PNPLA3: variants seen among roughly 807,000 people sequenced by gnomAD.
PNPLA3 encodes patatin like domain 3, 1-acylglycerol-3-phosphate O-acyltransferase.
PNPLA3 carries 42 observed loss-of-function variants against 43.1 expected under a neutral mutation model. The ratio of observed to expected loss-of-function variants is 0.97; its 90% CI spans 0.76 to 1.26. The LOEUF (loss-of-function observed/expected upper bound fraction) is 1.26, where lower values mean the gene tolerates loss of function less well. PNPLA3 is among the 50% of genes most tolerant of loss of function. The probability of loss-of-function intolerance (pLI) is 0.00; values close to 1 mark genes in which losing one functional copy is unlikely to be tolerated. For missense variants in PNPLA3, 647 were observed against 621.4 expected (o/e 1.04, Z -0.44); for synonymous variants, 272 against 253.6 (o/e 1.07, Z -0.69).
At chr22:43,930,442 T>C (rs1454329845) in intron 3 of PNPLA3, among the ~76,000 whole-genome samples, 1 of 152,170 alleles carries the variant, frequency 6.6e-6, no homozygotes, top group African/African-American at 2.4e-5. Context: ...CACAGCATGG[T>C]TGGGCATCAG....
chr22:43,944,228 C>A (rs957423385), intron 7 of PNPLA3, among the ~76,000 whole-genome samples: 3 of 152,150 alleles, frequency 2.0e-5, no homozygotes, highest in Admixed American at 2.0e-4. Flanking sequence ...TGTGGTCAGG[C>A]ATTTATCAGA....
chr22:43,924,059 G>C lies in PNPLA3; in HGVS notation c.148G>C (p.Ala50Pro). ...ARMLFGASAG[A>P]LHCVGVLSGI... ...CATGTTGTTCGGCGCTTCGGCCGGG[G>C]CGTTGCACTGCGTCGGCGTCCTCTC... The change falls in exon 1 of 9, where the codon GCG becomes CCG. Residue 50 changes from alanine (A) to proline (P), a missense_variant. Ala to Pro is a conservative substitution (Grantham distance 27). Coordinates refer to ENST00000216180, the MANE Select transcript of PNPLA3 (RefSeq NM_025225.3). The C allele has an allele frequency of 6.4e-7, 1 of 1,574,686 alleles. No individual in the cohort carries two copies. Among genetic ancestry groups the C allele is most frequent in the South Asian group, 1.1e-5 (1 of 88,108 alleles).
rs190928670 is a variant in PNPLA3, at chr22:43,926,521, C to T, written c.188-414C>T. 4.4e-4 allele frequency among the ~76,000 whole-genome samples: 67 copies of T among 152,300 alleles called. No individual in the cohort carries two copies. The East Asian group carries it at 0.011, about 25-fold the overall frequency. ...CGCCTGGGCTTCTGGAAGTGGGAGA[C>T]TCATTCCTGTGGCTGAGGCCTACAG... On this transcript the variant is annotated intron_variant, in intron 1 of 8. Coordinates refer to ENST00000216180, the MANE Select transcript of PNPLA3 (RefSeq NM_025225.3).
At chr22:43,935,430 C>G (rs1333093491) in intron 5 of PNPLA3, among the ~76,000 whole-genome samples, 1 of 151,920 alleles carries the variant, frequency 6.6e-6, no homozygotes, top group Non-Finnish European at 1.5e-5. Context: ...GATGCTGTGT[C>G]GATGGGAAAG....
chr22:43,946,745 A>T lies in PNPLA3; in HGVS notation c.*363A>T, dbSNP rs900771057. ...GGGTGGGGGCCTTGTGATGGGGGGT[A>T]GGCTGGCCCATGTGTGATCTTGTGG... On this transcript the variant is annotated 3_prime_UTR_variant, in exon 9 of 9. Transcript: ENST00000216180. The T allele has an allele frequency of 3.8e-6, 2 of 530,706 alleles. No homozygotes were observed. Among genetic ancestry groups the T allele is most frequent in the Admixed American group, 1.9e-5 (1 of 51,810 alleles). 32.9% of individuals were successfully genotyped at this position (530,706 alleles called of 1,614,324 possible).
chr22:43,937,028 C>A, intron 5 of PNPLA3, 23 bp from the exon 6 acceptor site: 2 of 1,601,582 alleles, frequency 1.2e-6, no homozygotes, highest in Non-Finnish European at 8.5e-7. Context: ...GCCTGATGGG[C>A]TTGTTTTCCG....
chr22:43,935,899 G>A (rs899677010), intron 5 of PNPLA3, among the ~76,000 whole-genome samples: 56 of 152,144 alleles, frequency 3.7e-4, no homozygotes, highest in Admixed American at 1.3e-4. Flanking sequence ...GACAGGAAGC[G>A]AGATACCAGT....
chr22:43,933,025 C>G lies in PNPLA3; in HGVS notation c.634C>G (p.Leu212Val), dbSNP rs1569011812. ...TCATGTGGACATCACCAAGCTCAGTCTACGCCTCTGCACAGGGAACCTCTA... is the reference window on the plus strand; with the variant it reads ...TCATGTGGACATCACCAAGCTCAGTGTACGCCTCTGCACAGGGAACCTCTA... ...FLHVDITKLS[L>V]RLCTGNLYLL... Residue 212 changes from leucine to valine, a missense_variant, in exon 4 of 9, where the codon CTA (leucine) becomes GTA (valine). Leu to Val is a conservative substitution (Grantham distance 32). Coordinates refer to ENST00000216180, the MANE Select transcript of PNPLA3 (RefSeq NM_025225.3). The G allele has an allele frequency of 1.9e-6, 3 of 1,614,204 alleles. No individual in the cohort carries two copies. Among genetic ancestry groups the G allele is most frequent in the East Asian group, 2.2e-5 (1 of 44,876 alleles).
intron 7 of PNPLA3, 82 bp downstream of exon 7, chr22:43,940,207 A>ATT: frequency 6.8e-7 from 1 of 1,480,024 alleles, no homozygotes; most frequent in Non-Finnish European, 9.3e-7. Context: ...GGTGGCATGT[A>ATT]GTCTGGGACC....
chr22:43,946,400 G>C lies in PNPLA3; in HGVS notation c.*18G>C. 1 of 1,608,052 alleles carries C rather than the reference G, an allele frequency of 6.2e-7. No homozygotes were observed. The highest frequency in any genetic ancestry group is 1.1e-5 in the South Asian group (1 of 90,954). On this transcript the variant is annotated 3_prime_UTR_variant, in exon 9 of 9. Transcript: ENST00000216180. ...GTCTGTGAGTCACTTGAGGAGGCGA[G>C]TCTAGCAGATTCTTTCAGAGGTGCT...
intron 6 of PNPLA3, 28 bp downstream of exon 6, chr22:43,937,300 C>T: frequency 8.8e-6 from 14 of 1,596,520 alleles, no homozygotes; most frequent in Non-Finnish European, 1.2e-5. Context: ...TGAGCACGGG[C>T]AGCACCTTGT....
Position 43,946,135 on chromosome 22 carries a change from C to A in PNPLA3, c.1218-19C>A. The A allele has an allele frequency of 2.5e-6, 4 of 1,609,360 alleles. No homozygotes were observed. Among genetic ancestry groups the A allele is most frequent in the Non-Finnish European group, 3.4e-6 (4 of 1,176,016 alleles). ...GCAGCGGGAACGGCCTCTAAGCCAACTTCCTCCATGTGTTTCAGGTCCCAA... is the reference window on the plus strand; with the variant it reads ...GCAGCGGGAACGGCCTCTAAGCCAAATTCCTCCATGTGTTTCAGGTCCCAA... On this transcript the variant is annotated intron_variant, in intron 8 of 8. Transcript: ENST00000216180.
Position 43,946,838 on chromosome 22 carries a change from A to G in PNPLA3, c.*456A>G. On this transcript the variant is annotated 3_prime_UTR_variant, in exon 9 of 9. Transcript: ENST00000216180. ...TGGGAAGGGGTGCAGTTCGTCCCCA[A>G]GAACGACACTGCCTGTCAGGTGGTC... The G allele has an allele frequency of 6.6e-6, 3 of 456,664 alleles. No homozygotes were observed. Among genetic ancestry groups the G allele is most frequent in the Non-Finnish European group, 1.3e-5 (3 of 230,452 alleles). The allele number at this position is 456,664 out of a possible 1,614,324, so 28.3% of individuals were successfully genotyped here. A position where few individuals can be genotyped will look rare whatever the true frequency, so the allele number is the denominator to read the frequency against.
chr22:43,944,846 T>C, intron 8 of PNPLA3, 51 bp downstream of exon 8: 1 of 1,425,440 alleles, frequency 7.0e-7, no homozygotes, highest in East Asian at 2.3e-5. Flanking sequence ...CTCTCTCATC[T>C]GATGAGGCCT....
In PNPLA3 at chr22:43,923,898, CCG is replaced by C; in HGVS notation, c.-12_-11del. The C allele has an allele frequency of 6.8e-7, 1 of 1,475,998 alleles. No individual in the cohort carries two copies. Among genetic ancestry groups the C allele is most frequent in the Non-Finnish European group, 8.9e-7 (1 of 1,117,538 alleles). 91.4% of individuals were successfully genotyped at this position (1,475,998 alleles called of 1,614,324 possible). ...CCAGATCCTAACCCGCGCCCCCGCC[CCG>C]CCGCCGCCGCCATGTACGACGCAGA... On this transcript the variant is annotated 5_prime_UTR_variant, in exon 1 of 9. Transcript: ENST00000216180.
At chr22:43,941,505 G>A (rs2050031093) in intron 7 of PNPLA3, among the ~76,000 whole-genome samples, 1 of 152,180 alleles carries the variant, frequency 6.6e-6, no homozygotes, top group Admixed American at 6.5e-5. Context: ...CTGGAGCAGA[G>A]GGTGGTCAGG....
chr22:43,931,132 C>A (rs139052), intron 3 of PNPLA3, among the ~76,000 whole-genome samples: 115,955 of 151,836 alleles, frequency 0.76, 44,354 homozygotes, highest in Middle Eastern at 0.85. Flanking sequence ...GTCTCACAAA[C>A]AAAACAAAAC....
At chr22:43,944,103 GC>G (rs2050048053) in intron 7 of PNPLA3, among the ~76,000 whole-genome samples, 1 of 151,972 alleles carries the variant, frequency 6.6e-6, no homozygotes, top group Non-Finnish European at 1.5e-5. Flanking sequence ...ATCTTTTAAT[GC>G]CCAGTCTCTC....
chr22:43,934,293 G>C (rs1349166761), intron 4 of PNPLA3, among the ~76,000 whole-genome samples: 2 of 150,212 alleles, frequency 1.3e-5, no homozygotes, highest in East Asian at 1.9e-4. Context: ...CTCCAGCCTG[G>C]GCAACAGAGC....
Sources: gnomAD v4.1 joint callset for allele counts (sites outside exome capture counted in the v4.1 genomes callset) on GRCh38, gnomAD v4.1.1 for gene constraint, MANE v1.5 for transcripts, NCBI Gene and HGNC (gene_info 2026-07-23, HGNC 2026-07-21) for gene names.